The following ZNF718 variants were observed in gnomAD, a reference collection of about 807,000 sequenced individuals.
ZNF718 encodes the protein zinc finger protein 718.
A neutral mutation model predicts 2.6 loss-of-function variants in ZNF718; 3 were observed. That is an observed-to-expected ratio of 1.16 (90% CI 0.53 to 3.01). The LOEUF (loss-of-function observed/expected upper bound fraction) is 3.01. Ranked by LOEUF, ZNF718 falls within the 30% of genes most tolerant of loss-of-function variation. The pLI is 0.03. For missense variants in ZNF718, 468 were observed against 230.0 expected (o/e 2.03, Z -6.69); for synonymous variants, 135 against 77.9 (o/e 1.73, Z -3.86).
intron 3 of ZNF718, among the ~76,000 whole-genome samples, chr4:152,902 TTG>T (rs1327160446): frequency 1.4e-5 from 2 of 141,836 alleles, no homozygotes; most frequent in Admixed American, 1.5e-4. Flanking sequence ...TGGGATTTTT[TTG>T]CTATGCAAAA....
chr4:201,342 T>G (rs1323985961), intron 4 of ZNF718: 1 of 152,472 alleles, frequency 6.6e-6, no homozygotes, highest in Admixed American at 6.5e-5. Flanking sequence ...ATTCTAGCAG[T>G]GATTTCAACC....
chr4:125,920 G>C (rs2108777284), intron 1 of ZNF718, among the ~76,000 whole-genome samples: 1 of 152,334 alleles, frequency 6.6e-6, no homozygotes, highest in East Asian at 1.9e-4. Flanking sequence ...CCCCAGATCT[G>C]TTTAGCAGGA....
chr4:152,516 C>G (rs898996488), intron 3 of ZNF718, among the ~76,000 whole-genome samples: 1 of 149,962 alleles, frequency 6.7e-6, no homozygotes, highest in Non-Finnish European at 1.5e-5. Context: ...CATCTTGCAC[C>G]GCCCTTAATC....
At chr4:144,101 C>A (rs1204018759) in intron 3 of ZNF718, among the ~76,000 whole-genome samples, 1 of 152,172 alleles carries the variant, frequency 6.6e-6, no homozygotes, top group African/African-American at 2.4e-5. Flanking sequence ...GTTGGGCATA[C>A]CCAAAGTAAC....
rs1444393850 is a variant in ZNF718, at chr4:161,739, A to G, written c.1054A>G (p.Thr352Ala). 1 of 778,720 alleles carries G rather than the reference A, an allele frequency of 1.3e-6. No homozygotes were observed. The highest frequency in any genetic ancestry group is 1.7e-5 in the African/African-American group (1 of 58,768). 48.2% of individuals were successfully genotyped at this position (778,720 alleles called of 1,614,324 possible). A position where few individuals can be genotyped will look rare whatever the true frequency, so the allele number is the denominator to read the frequency against. Reference protein sequence around the residue: ...EECGKSFNRSTTLTTHKRIHT... With the variant: ...EECGKSFNRSATLTTHKRIHT... ...ATGTGGAAAATCCTTTAATAGGTCC[A>G]CAACTCTTACGACACATAAGAGAAT... The change falls in exon 4 of 4, where the codon ACA becomes GCA. Residue 352 changes from threonine to alanine, a missense_variant. Transcript: ENST00000510175.
intron 1 of ZNF718, among the ~76,000 whole-genome samples, chr4:129,337 T>TA (rs1210867186): frequency 1.9e-5 from 2 of 103,984 alleles, no homozygotes; most frequent in South Asian, 3.0e-4. Flanking sequence ...TGAAAATACT[T>TA]ACGGGCATAG....
chr4:165,755 C>T (rs965820051), downstream of ZNF718, among the ~76,000 whole-genome samples: 5 of 152,056 alleles, frequency 3.3e-5, no homozygotes, highest in African/African-American at 4.8e-5. Context: ...GCTGAGATGG[C>T]GTCACTGCAC....
At chr4:136,103 C>T (rs1715560532) in intron 3 of ZNF718, among the ~76,000 whole-genome samples, 1 of 152,112 alleles carries the variant, frequency 6.6e-6, no homozygotes, top group Non-Finnish European at 1.5e-5. Flanking sequence ...TTTCTGGGCC[C>T]TGGAAAGATT....
Position 160,947 on chromosome 4 carries a change from G to A in ZNF718, c.262G>A (p.Val88Met), listed in dbSNP as rs782663543. 19 of 780,422 alleles carry A rather than the reference G, an allele frequency of 2.4e-5. No individual in the cohort carries two copies. The East Asian group carries it at 4.6e-4, about 19-fold the overall frequency. 48.3% of individuals were successfully genotyped at this position (780,422 alleles called of 1,614,324 possible). The change falls in exon 4 of 4, where the codon GTG becomes ATG. Residue 88 changes from valine (V) to methionine (M), a missense_variant. Val to Met is a conservative substitution (Grantham distance 21, BLOSUM62 1). Coordinates refer to ENST00000510175, the MANE Select transcript of ZNF718 (RefSeq NM_001039127.6). Reference protein sequence around the residue: ...CSHFTQNLWTVQGIEDSFHKL... With the variant: ...CSHFTQNLWTMQGIEDSFHKL... ...TCATTTCACCCAAAACCTTTGGACA[G>A]TGCAGGGCATAGAAGATTCATTCCA... is the stretch of plus-strand genomic sequence containing the variant.
intron 3 of ZNF718, among the ~76,000 whole-genome samples, chr4:153,703 A>T (rs1337178030): frequency 1.3e-5 from 2 of 152,140 alleles, no homozygotes; most frequent in African/African-American, 4.8e-5. Flanking sequence ...GATTTAAGAA[A>T]CTCAACAAAT....
At chr4:152,237 A>G (rs188741465) in intron 3 of ZNF718, among the ~76,000 whole-genome samples, 3,134 of 144,864 alleles carry the variant, frequency 0.022, 60 homozygotes, top group African/African-American at 0.055. Context: ...TCTTGTCTCA[A>G]CTGCAAGAGC....
downstream of ZNF718, among the ~76,000 whole-genome samples, chr4:166,057 G>C (rs1055102704): frequency 2.0e-5 from 3 of 152,070 alleles, 1 homozygote; most frequent in Admixed American, 1.3e-4. Flanking sequence ...GTGTCCATGA[G>C]TTCTCACTGT....
At chr4:192,818 G>C (rs563782342) in intron 3 of ZNF718, among the ~76,000 whole-genome samples, 2 of 152,164 alleles carry the variant, frequency 1.3e-5, no homozygotes, top group African/African-American at 4.8e-5. Flanking sequence ...ACTTAACAAG[G>C]GGGTTAAAGA....
chr4:144,981 C>G (rs1275254132), intron 3 of ZNF718, among the ~76,000 whole-genome samples: 1 of 151,620 alleles, frequency 6.6e-6, no homozygotes, highest in Non-Finnish European at 1.5e-5. Flanking sequence ...TTTGATATAG[C>G]CACTCGTACA....
intron 3 of ZNF718, among the ~76,000 whole-genome samples, chr4:155,378 C>T (rs1433312164): frequency 3.3e-5 from 5 of 152,172 alleles, no homozygotes; most frequent in Non-Finnish European, 2.9e-5. Flanking sequence ...TCAACACCAG[C>T]CCATGAAAGC....
intron 3 of ZNF718, among the ~76,000 whole-genome samples, chr4:171,011 C>T (rs1383551170): frequency 2.0e-5 from 3 of 152,118 alleles, no homozygotes; most frequent in Non-Finnish European, 4.4e-5. Context: ...TGGTGATGTA[C>T]AGATGGGGTT....
At chr4:184,271 G>A (rs1553820206) in intron 3 of ZNF718, among the ~76,000 whole-genome samples, 2 of 152,042 alleles carry the variant, frequency 1.3e-5, no homozygotes, top group Non-Finnish European at 2.9e-5. Context: ...AATATCATGT[G>A]GTTTTTGTCC....
chr4:152,699 T>C (rs1377468014), intron 3 of ZNF718, among the ~76,000 whole-genome samples: 1 of 152,108 alleles, frequency 6.6e-6, no homozygotes, highest in Non-Finnish European at 1.5e-5. Flanking sequence ...TCTCTCTTGC[T>C]TTTCCCCACA....
At chr4:138,703 A>G (rs539681549) in intron 3 of ZNF718, among the ~76,000 whole-genome samples, 9 of 152,246 alleles carry the variant, frequency 5.9e-5, no homozygotes, top group Admixed American at 5.2e-4. Context: ...AGGAACCTCT[A>G]AACTGGTCTC....
Sources: allele counts gnomAD v4.1 joint callset (sites outside exome capture counted in the v4.1 genomes callset), GRCh38; gene constraint gnomAD v4.1.1; transcripts MANE v1.5; gene names NCBI Gene and HGNC (gene_info 2026-07-23, HGNC 2026-07-21).